Variants in CIMIP6 observed in about 807,000 individuals in gnomAD.
The protein encoded by CIMIP6 is uncharacterized protein C2orf73.
the CIMIP6 span, among the ~76,000 whole-genome samples, chr2:54,333,163 G>T: frequency 6.6e-6 from 1 of 152,164 alleles, no homozygotes; most frequent in South Asian, 2.1e-4. Flanking sequence ...CACCTTCATG[G>T]AACTTATTGA....
the CIMIP6 span, among the ~76,000 whole-genome samples, chr2:54,377,847 T>C: frequency 1.3e-5 from 2 of 152,196 alleles, no homozygotes; most frequent in African/African-American, 2.4e-5. Context: ...CTTTAAGCCT[T>C]CATTTAATAA....
the CIMIP6 span, among the ~76,000 whole-genome samples, chr2:54,337,586 G>A: frequency 6.6e-6 from 1 of 152,152 alleles, no homozygotes; most frequent in Non-Finnish European, 1.5e-5. Flanking sequence ...CTAAGAAAAA[G>A]AAGCTGGTTT....
the CIMIP6 span, among the ~76,000 whole-genome samples, chr2:54,353,421 G>T: frequency 6.6e-6 from 1 of 151,944 alleles, no homozygotes; most frequent in Non-Finnish European, 1.5e-5. Flanking sequence ...CTCTTGAGTT[G>T]GTATTTGTGA....
chr2:54,379,027 C>T, the CIMIP6 span, among the ~76,000 whole-genome samples: 2 of 152,086 alleles, frequency 1.3e-5, no homozygotes, highest in Non-Finnish European at 2.9e-5. Flanking sequence ...AGCAGGCACC[C>T]AAACCTGTGA....
the CIMIP6 span, among the ~76,000 whole-genome samples, chr2:54,370,017 G>A: frequency 4.6e-5 from 7 of 152,290 alleles, no homozygotes; most frequent in South Asian, 1.2e-3. Flanking sequence ...TAGCACTTTG[G>A]GAGGGCGAGA....
At chr2:54,384,051 T>G in the CIMIP6 span, among the ~76,000 whole-genome samples, 1 of 152,216 alleles carries the variant, frequency 6.6e-6, no homozygotes, top group African/African-American at 2.4e-5. Flanking sequence ...CTTTATAAAT[T>G]ACCCAGTCTT....
At chr2:54,357,059 C>T in the CIMIP6 span, among the ~76,000 whole-genome samples, 60 of 152,230 alleles carry the variant, frequency 3.9e-4, no homozygotes, top group African/African-American at 1.4e-3. Context: ...AATCTTTGCA[C>T]TACTGTTTTC....
At chr2:54,360,909 G>C in the CIMIP6 span, 124,698 of 168,034 alleles carry the variant, frequency 0.74, 46,630 homozygotes, top group Non-Finnish European at 0.79. Context: ...TGGAATGTTG[G>C]CTTCACTTCA....
At chr2:54,380,136 C>T in the CIMIP6 span, among the ~76,000 whole-genome samples, 1 of 151,848 alleles carries the variant, frequency 6.6e-6, no homozygotes, top group African/African-American at 2.4e-5. Context: ...AGAGCAAGAC[C>T]CCATCTCAAA....
chr2:54,358,923 A>AT, the CIMIP6 span: 7,537 of 1,082,480 alleles, frequency 7.0e-3, 44 homozygotes, highest in Non-Finnish European at 8.6e-3. Flanking sequence ...AACAAATCTA[A>AT]TTTTTTGTCC....
At chr2:54,360,057 TG>T in the CIMIP6 span, 1 of 914,250 alleles carries the variant, frequency 1.1e-6, no homozygotes, top group Non-Finnish European at 1.6e-6. Context: ...GTGTCTAGTT[TG>T]GGACTGAGGT....
the CIMIP6 span, chr2:54,383,754 G>A: frequency 1.3e-5 from 2 of 151,948 alleles, no homozygotes; most frequent in African/African-American, 4.8e-5. Context: ...CCAAAAGCAT[G>A]TGTTGGAAAC....
the CIMIP6 span, chr2:54,382,009 T>C: frequency 1.1e-5 from 16 of 1,519,346 alleles, no homozygotes; most frequent in Non-Finnish European, 1.4e-5. Context: ...GTTTCATTTT[T>C]ATAATGAGGA....
the CIMIP6 span, chr2:54,381,901 A>G: frequency 1.3e-6 from 2 of 1,550,790 alleles, no homozygotes; most frequent in East Asian, 2.4e-5. Flanking sequence ...GCCACAGTGC[A>G]GGAAGAAAAG....
the CIMIP6 span, among the ~76,000 whole-genome samples, chr2:54,372,981 TC>T: frequency 2.0e-5 from 3 of 152,196 alleles, no homozygotes; most frequent in East Asian, 5.8e-4. Flanking sequence ...AGTCCTCTTT[TC>T]CATTCCCACT....
chr2:54,346,714 A>C, the CIMIP6 span, among the ~76,000 whole-genome samples: 1 of 152,130 alleles, frequency 6.6e-6, no homozygotes, highest in Non-Finnish European at 1.5e-5. Context: ...CCCCAAATCT[A>C]TTCCTTTCCA....
the CIMIP6 span, among the ~76,000 whole-genome samples, chr2:54,354,839 C>T: frequency 6.6e-6 from 1 of 151,782 alleles, no homozygotes; most frequent in Admixed American, 6.6e-5. Context: ...CCAGGGGCTC[C>T]ATTAATGTTA....
At chr2:54,335,258 T>C in the CIMIP6 span, among the ~76,000 whole-genome samples, 1 of 152,188 alleles carries the variant, frequency 6.6e-6, no homozygotes, top group African/African-American at 2.4e-5. Flanking sequence ...GTCAGATTAT[T>C]GCCACAAAGT....
the CIMIP6 span, among the ~76,000 whole-genome samples, chr2:54,351,991 A>T: frequency 6.6e-6 from 1 of 152,016 alleles, no homozygotes; most frequent in Non-Finnish European, 1.5e-5. Flanking sequence ...ACAAGAAGAA[A>T]AAAAAACCTA....
Sources: gnomAD v4.1 joint callset for allele counts (sites outside exome capture counted in the v4.1 genomes callset) on GRCh38, gnomAD v4.1.1 for gene constraint, MANE v1.5 for transcripts, NCBI Gene and HGNC (gene_info 2026-07-23, HGNC 2026-07-21) for gene names.